Variants in ZNF331 observed in about 807,000 individuals in gnomAD.
ZNF331 encodes the protein zinc finger protein 331.
Under a neutral mutation model 7.0 loss-of-function variants are expected in ZNF331, and 2 were observed. The observed-to-expected ratio is 0.29, with a 90% CI of 0.12 to 0.90. ZNF331 has a LOEUF of 0.90. Among genes scored for constraint, ZNF331 ranks in the 40% least tolerant of loss-of-function variants. The probability of loss-of-function intolerance (pLI) is 0.58; values close to 1 mark genes in which losing one functional copy is unlikely to be tolerated. For missense variants in ZNF331, 432 were observed against 587.7 expected, an observed-to-expected ratio of 0.74 and a Z score of 2.74; for synonymous variants, 196 against 205.4, an observed-to-expected ratio of 0.95 and a Z score of 0.39.
chr19:53,545,912 C>T lies in ZNF331; in HGVS notation c.-138+6630C>T, dbSNP rs1055553200. Among the ~76,000 whole-genome samples, 51 of 152,016 alleles carry T rather than the reference C, an allele frequency of 3.4e-4. 1 individual carries two copies. The highest frequency in any genetic ancestry group is 1.5e-4 in the Non-Finnish European group (10 of 67,972). ...GGTGACTAACTTGGTAGGTGAGTGT[C>T]GGGAGCATCACGTGTTCTAGAATCC... On this transcript the variant is annotated intron_variant, in intron 2 of 5. Transcript: ENST00000449416.
At chr19:53,559,351 C>CACACCCCATATATACA (rs2089668656) in intron 3 of ZNF331, among the ~76,000 whole-genome samples, 1 of 150,504 alleles carries the variant, frequency 6.6e-6, no homozygotes, top group Non-Finnish European at 1.5e-5. Context: ...CATATACACA[C>CACACCCCATATATACA]CATACACACA....
At position 53,580,224 on chromosome 19, in the gene ZNF331, A is replaced by G. The variant is rs1484048844; in HGVS notation, c.*2272A>G. 1.1e-5 allele frequency: 2 copies of G among 186,482 alleles called. No individual in the cohort carries two copies. The highest frequency in any genetic ancestry group is 1.9e-3 in the Middle Eastern group (1 of 532). The allele number at this position is 186,482 out of a possible 1,614,324, so 11.6% of individuals were successfully genotyped here. A position where few individuals can be genotyped will look rare whatever the true frequency, so the allele number is the denominator to read the frequency against. On this transcript the variant is annotated 3_prime_UTR_variant, in exon 6 of 6. Coordinates refer to ENST00000449416, the MANE Select transcript of ZNF331 (RefSeq NM_001079906.2). ...CATTGTACTCCATCAATATAATACAATTATTATTTGTCAATCAAATATTAA... is the reference window on the plus strand; with the variant it reads ...CATTGTACTCCATCAATATAATACAGTTATTATTTGTCAATCAAATATTAA...
intron 2 of ZNF331, among the ~76,000 whole-genome samples, chr19:53,554,024 G>T (rs1600357240): frequency 6.6e-6 from 1 of 152,290 alleles, no homozygotes; most frequent in East Asian, 1.9e-4. Context: ...AACTTAAGGC[G>T]CTGCATGCTG....
In ZNF331 at chr19:53,569,340, C is replaced by G; in HGVS notation, c.-37C>G. 6.2e-7 allele frequency: 1 copy of G among 1,612,512 alleles called. No individual in the cohort carries two copies. The highest frequency in any genetic ancestry group is 2.2e-5 in the East Asian group (1 of 44,850). ...CGGAATTTGTCTTCTTCAGTGGAAA[C>G]CCCGAGAAGACTGATCAGTTCTTCA... On this transcript the variant is annotated 5_prime_UTR_variant, in exon 4 of 6. Coordinates refer to ENST00000449416, the MANE Select transcript of ZNF331 (RefSeq NM_001079906.2).
intron 2 of ZNF331, among the ~76,000 whole-genome samples, chr19:53,530,937 C>T (rs1242719987): frequency 6.6e-6 from 1 of 152,196 alleles, no homozygotes; most frequent in East Asian, 1.9e-4. Flanking sequence ...GTCAGCTACA[C>T]AGTCTATAAC....
chr19:53,528,339 A>C (rs2087388021), intron 2 of ZNF331, among the ~76,000 whole-genome samples: 1 of 149,510 alleles, frequency 6.7e-6, no homozygotes, highest in Non-Finnish European at 1.5e-5. Flanking sequence ...ATTTTAGCAT[A>C]AGAAAACAGC....
At chr19:53,553,474 A>G (rs1365278511) in intron 2 of ZNF331, among the ~76,000 whole-genome samples, 1 of 152,218 alleles carries the variant, frequency 6.6e-6, no homozygotes, top group Non-Finnish European at 1.5e-5. Context: ...CTACGGTTGT[A>G]TCAATTTAAA....
intron 2 of ZNF331, among the ~76,000 whole-genome samples, chr19:53,528,653 A>G (rs2087402366): frequency 6.6e-6 from 1 of 152,202 alleles, no homozygotes; most frequent in Admixed American, 6.5e-5. Context: ...TACCTTTTTA[A>G]ATCTACTTTC....
chr19:53,506,395 TAC>T, the ZNF331 span, among the ~76,000 whole-genome samples: 7 of 95,942 alleles, frequency 7.3e-5, no homozygotes, highest in Non-Finnish European at 1.3e-4. Flanking sequence ...CCCTACCACA[TAC>T]ACACTCTCTC....
chr19:53,535,585 T>G (rs73049598), upstream of ZNF331, among the ~76,000 whole-genome samples: 11,027 of 152,200 alleles, frequency 0.072, 529 homozygotes, highest in Non-Finnish European at 0.11. Context: ...ACGGGTCACA[T>G]TATGTCTGTG....
intron 2 of ZNF331, among the ~76,000 whole-genome samples, chr19:53,545,086 C>G (rs2088503460): frequency 6.6e-6 from 1 of 152,124 alleles, no homozygotes; most frequent in Non-Finnish European, 1.5e-5. Context: ...CACTGGATCT[C>G]TCTGTATTAT....
At position 53,558,071 on chromosome 19, in the gene ZNF331, G is replaced by A. The variant is rs946791094; in HGVS notation, c.-74+2163G>A. ...TTCTGACACCATCTACCTGGAGATGGCATCAGATTCCACAGGTTGTGAGCA... is the reference window on the plus strand; with the variant it reads ...TTCTGACACCATCTACCTGGAGATGACATCAGATTCCACAGGTTGTGAGCA... On this transcript the variant is annotated intron_variant, in intron 3 of 5. Transcript: ENST00000449416. This position sits in a 1 kb window ranked among gnomAD's most constrained non-coding sequence, Gnocchi z 4.5. Among the ~76,000 whole-genome samples the A allele has an allele frequency of 6.6e-6, 1 of 152,126 alleles. No homozygotes were observed. The highest frequency in any genetic ancestry group is 1.5e-5 in the Non-Finnish European group (1 of 68,020).
chr19:53,519,347 T>C (rs906360142), upstream of ZNF331, among the ~76,000 whole-genome samples: 1 of 152,210 alleles, frequency 6.6e-6, no homozygotes, highest in Admixed American at 6.5e-5. Context: ...CCCTGCTCTT[T>C]TGCAGACCTT....
chr19:53,571,576 A>G lies in ZNF331; in HGVS notation c.10-28A>G. The G allele has an allele frequency of 6.2e-7, 1 of 1,609,980 alleles. No homozygotes were observed. Among genetic ancestry groups the G allele is most frequent in the South Asian group, 1.1e-5 (1 of 90,400 alleles). On this transcript the variant is annotated intron_variant, in intron 4 of 5. Coordinates refer to ENST00000449416, the MANE Select transcript of ZNF331 (RefSeq NM_001079906.2). This position sits in a 1 kb window ranked among gnomAD's most constrained non-coding sequence, Gnocchi z 4.7. ...TCTGGAAGCTGTTTCCTTTCATTTC[A>G]TCATGCACGTGTGGGTTTCTGTTTC...
intron 2 of ZNF331, among the ~76,000 whole-genome samples, chr19:53,541,148 C>T (rs547809476): frequency 4.1e-5 from 6 of 145,908 alleles, no homozygotes; most frequent in Admixed American, 2.1e-4. Flanking sequence ...GCTCTTGTTG[C>T]CCAGGCTGGA....
At chr19:53,534,736 A>G (rs564205209), upstream of ZNF331, among the ~76,000 whole-genome samples, 6 of 152,322 alleles carry the variant, frequency 3.9e-5, no homozygotes, top group East Asian at 1.2e-3. Context: ...GCCCACCTAG[A>G]TAATTCAGGG....
rs112582139 is a variant in ZNF331 at position 53,576,133 on chromosome 19, C to A, written c.137-564C>A. On this transcript the variant is annotated intron_variant, in intron 5 of 5. Coordinates refer to ENST00000449416, the MANE Select transcript of ZNF331 (RefSeq NM_001079906.2). ...CCGAGTAGCTGGGATTACAGTCATG[C>A]GCCACCATGTCCGGCTAATTTTGTA... 4.1e-3 allele frequency among the ~76,000 whole-genome samples: 631 copies of A among 152,156 alleles called. 10 individuals are homozygous for A. The highest frequency in any genetic ancestry group is 0.015 in the African/African-American group (608 of 41,518).
At chr19:53,563,041 T>A (rs2089974814) in intron 3 of ZNF331, among the ~76,000 whole-genome samples, 1 of 152,072 alleles carries the variant, frequency 6.6e-6, no homozygotes, top group African/African-American at 2.4e-5. Context: ...GTTTGCAAGT[T>A]GGCATCTTCT....
chr19:53,547,879 G>T lies in ZNF331; in HGVS notation c.-137-7966G>T, dbSNP rs10401348. Among the ~76,000 whole-genome samples, 751 of 151,886 alleles carry T rather than the reference G, an allele frequency of 4.9e-3. 6 individuals are homozygous for T. Among genetic ancestry groups the T allele is most frequent in the African/African-American group, 0.017 (711 of 41,446 alleles). ...GCCCATTTATTATCAGGGTTGTTTGGTTTTTTGCTGTTAAGTTGTTTGAGT... is the reference window on the plus strand; with the variant it reads ...GCCCATTTATTATCAGGGTTGTTTGTTTTTTTGCTGTTAAGTTGTTTGAGT... On this transcript the variant is annotated intron_variant, in intron 2 of 5. Transcript: ENST00000449416.
Sources: gnomAD v4.1 joint callset for allele counts (sites outside exome capture counted in the v4.1 genomes callset) on GRCh38, gnomAD v4.1.1 for gene constraint, Gnocchi (gnomAD v3.1) non-coding constraint, MANE v1.5 for transcripts, NCBI Gene and HGNC (gene_info 2026-07-23, HGNC 2026-07-21) for gene names.